Variants in RIMS2 observed in about 807,000 individuals in gnomAD.
RIMS2 encodes the protein regulating synaptic membrane exocytosis protein 2.
A neutral mutation model predicts 174.4 loss-of-function variants in RIMS2; 59 were observed. The ratio of observed to expected loss-of-function variants is 0.34; its 90% CI spans 0.27 to 0.42. The LOEUF (loss-of-function observed/expected upper bound fraction) is 0.42, where lower values mean the gene tolerates loss of function less well. Among genes scored for constraint, RIMS2 ranks in the 10% least tolerant of loss-of-function variants. The pLI is 1.00. For missense variants in RIMS2, 1,620 were observed against 1,666.3 expected (o/e 0.97, Z 0.48); for synonymous variants, 606 against 572.5 (o/e 1.06, Z -0.84).
chr8:104,167,737 G>GA (rs752470619), intron 19 of RIMS2, among the ~76,000 whole-genome samples: 15 of 152,102 alleles, frequency 9.9e-5, no homozygotes, highest in Non-Finnish European at 2.2e-4. Flanking sequence ...TTTTAGTCAT[G>GA]AATTCTTTGC....
At position 104,223,731 on chromosome 8, in the gene RIMS2, C is replaced by T. The variant is rs941540165; in HGVS notation, c.3335-21185C>T. The T allele has an allele frequency of 3.8e-6, 6 of 1,593,532 alleles. No individual in the cohort carries two copies. The South Asian group carries it at 5.5e-5, about 15-fold the overall frequency. On this transcript the variant is annotated intron_variant, in intron 19 of 23. Coordinates refer to ENST00000504942, the Ensembl canonical transcript of RIMS2. ...TCCCAGAGCCGGAGTAGCCTGTCTG[C>T]CTCCTTCGAGGCACTGGCCGGCTAC...
At position 104,176,347 on chromosome 8, in the gene RIMS2, G is replaced by A. The variant is rs908633890; in HGVS notation, c.3335-68569G>A. Among the ~76,000 whole-genome samples, 6 of 152,014 alleles carry A rather than the reference G, an allele frequency of 3.9e-5. No homozygotes were observed. The East Asian group carries it at 5.8e-4, about 15-fold the overall frequency. On this transcript the variant is annotated intron_variant, in intron 19 of 23. Transcript: ENST00000504942. ...TTTGGTTGTAAAAACAAGCTGAATCGGGAACAACCTAGAAACCTTCTCTGA... is the reference window on the plus strand; with the variant it reads ...TTTGGTTGTAAAAACAAGCTGAATCAGGAACAACCTAGAAACCTTCTCTGA...
chr8:103,951,220 C>T (rs942990029), intron 14 of RIMS2, among the ~76,000 whole-genome samples: 1 of 152,174 alleles, frequency 6.6e-6, no homozygotes, highest in African/African-American at 2.4e-5. Context: ...GAACATACTT[C>T]AAAATAATGA....
chr8:103,668,431 T>G (rs960282039), intron 1 of RIMS2, among the ~76,000 whole-genome samples: 1 of 152,192 alleles, frequency 6.6e-6, no homozygotes, highest in African/African-American at 2.4e-5. Context: ...ATAACCAGAA[T>G]ATATGCATTG....
At chr8:103,624,307 C>A (rs2095720299) in intron 1 of RIMS2, among the ~76,000 whole-genome samples, 1 of 152,170 alleles carries the variant, frequency 6.6e-6, no homozygotes, top group Non-Finnish European at 1.5e-5. Flanking sequence ...AGGAGGAATT[C>A]TCCCCATTTG....
At chr8:104,109,160 G>C (rs1162291963) in intron 19 of RIMS2, among the ~76,000 whole-genome samples, 2 of 151,752 alleles carry the variant, frequency 1.3e-5, no homozygotes, top group Admixed American at 6.6e-5. Context: ...AGCCGGGCGT[G>C]GTGGTGAGCA....
At chr8:104,224,348 A>T (rs2099171808) in intron 19 of RIMS2, among the ~76,000 whole-genome samples, 2 of 152,182 alleles carry the variant, frequency 1.3e-5, no homozygotes, top group South Asian at 4.1e-4. Context: ...CATTGTAATT[A>T]AGCTAATGAA....
intron 19 of RIMS2, among the ~76,000 whole-genome samples, chr8:104,111,286 TG>T (rs2098177877): frequency 6.6e-6 from 1 of 152,248 alleles, no homozygotes; most frequent in Non-Finnish European, 1.5e-5. Context: ...TGATCATTTT[TG>T]CTGACTTCCC....
chr8:103,991,389 T>G (rs1460505658), intron 17 of RIMS2, among the ~76,000 whole-genome samples: 1 of 151,752 alleles, frequency 6.6e-6, no homozygotes, highest in East Asian at 1.9e-4. Context: ...AATTATTTAT[T>G]AACATGAGGA....
intron 19 of RIMS2, among the ~76,000 whole-genome samples, chr8:104,106,037 C>CAAAAAAAAAAAAAAAAAAAA (rs575916023): frequency 3.5e-4 from 20 of 56,916 alleles, no homozygotes; most frequent in Middle Eastern, 0.016. Flanking sequence ...GACTCTGCCA[C>CAAAAAAAAAAAAAAAAAAAA]AAAAAAAAAA....
chr8:104,045,374 A>C (rs1468961762), intron 19 of RIMS2, among the ~76,000 whole-genome samples: 1 of 151,926 alleles, frequency 6.6e-6, no homozygotes, highest in African/African-American at 2.4e-5. Flanking sequence ...TTAAATGAGA[A>C]GTAGCATGCT....
intron 1 of RIMS2, among the ~76,000 whole-genome samples, chr8:103,548,371 A>G (rs1477672539): frequency 6.6e-6 from 1 of 152,234 alleles, no homozygotes; most frequent in Non-Finnish European, 1.5e-5. Flanking sequence ...ATGCCAATCA[A>G]TAAATGTGAT....
At chr8:104,146,513 C>G (rs2098641344) in intron 19 of RIMS2, among the ~76,000 whole-genome samples, 1 of 152,134 alleles carries the variant, frequency 6.6e-6, no homozygotes, top group Non-Finnish European at 1.5e-5. Flanking sequence ...AATGATGTAT[C>G]AGTTCCAGTT....
chr8:103,694,318 G>A (rs897720657), intron 1 of RIMS2, among the ~76,000 whole-genome samples: 4 of 152,144 alleles, frequency 2.6e-5, no homozygotes, highest in East Asian at 3.9e-4. Flanking sequence ...AGGAAGCCTG[G>A]AGGCTAGGGC....
intron 13 of RIMS2, among the ~76,000 whole-genome samples, chr8:103,940,300 G>A (rs2082235955): frequency 1.3e-5 from 2 of 152,172 alleles, no homozygotes; most frequent in Non-Finnish European, 2.9e-5. Flanking sequence ...GGCAAAGAGA[G>A]AGAGAACTTG....
intron 19 of RIMS2, among the ~76,000 whole-genome samples, chr8:104,040,984 T>A (rs2096598607): frequency 6.6e-6 from 1 of 151,746 alleles, no homozygotes. Context: ...AACAATGTGG[T>A]CATGCAACTA....
Position 103,537,845 on chromosome 8 carries a change from AT to A in RIMS2, c.176+36793del, listed in dbSNP as rs879524910. Among the ~76,000 whole-genome samples, 48 of 148,926 alleles carry A rather than the reference AT, an allele frequency of 3.2e-4. No homozygotes were observed. The East Asian group carries it at 4.9e-3, about 15-fold the overall frequency. On this transcript the variant is annotated intron_variant, in intron 1 of 23. Transcript: ENST00000504942. Reference sequence around the variant, plus strand: ...TGGAAAGGTTAGTTTTCTATGGCATATTTTTTTTTTCTGCCAAATGAGAATG... The same window carrying A: ...TGGAAAGGTTAGTTTTCTATGGCATATTTTTTTTTCTGCCAAATGAGAATG...
chr8:103,646,252 T>C (rs1371188264), intron 1 of RIMS2, among the ~76,000 whole-genome samples: 1 of 152,068 alleles, frequency 6.6e-6, no homozygotes, highest in East Asian at 1.9e-4. Flanking sequence ...TAACTTGGGC[T>C]CAGAGGCCTG....
intron 1 of RIMS2, among the ~76,000 whole-genome samples, chr8:103,592,616 A>G (rs1293202950): frequency 1.3e-5 from 2 of 151,404 alleles, no homozygotes; most frequent in Non-Finnish European, 3.0e-5. Flanking sequence ...AGACCATTTC[A>G]GGATATATGT....
Sources: allele counts gnomAD v4.1 joint callset (sites outside exome capture counted in the v4.1 genomes callset), GRCh38; gene constraint gnomAD v4.1.1; transcripts MANE v1.5; gene names NCBI Gene and HGNC (gene_info 2026-07-23, HGNC 2026-07-21).